The following ZNF407 variants were observed in gnomAD, a reference collection of about 807,000 sequenced individuals.
ZNF407 encodes zinc finger protein 407.
A neutral mutation model predicts 131.2 loss-of-function variants in ZNF407; 17 were observed. That is an observed-to-expected ratio of 0.13 (90% CI 0.09 to 0.19). The LOEUF (loss-of-function observed/expected upper bound fraction) is 0.19. Among genes scored for constraint, ZNF407 ranks in the 10% least tolerant of loss-of-function variants. ZNF407 has a pLI of 1.00. For missense variants in ZNF407, 2,681 were observed against 2,830.6 expected (o/e 0.95, Z 1.20); for synonymous variants, 1,156 against 1,062.0 (o/e 1.09, Z -1.72).
At chr18:74,736,052 G>A (rs1968404419) in intron 3 of ZNF407, among the ~76,000 whole-genome samples, 3 of 152,172 alleles carry the variant, frequency 2.0e-5, no homozygotes, top group South Asian at 4.1e-4. Context: ...TTGCATGATA[G>A]GCTTCATTAG....
chr18:74,627,855 C>CGCCCT (rs1568318987), intron 1 of ZNF407, among the ~76,000 whole-genome samples: 2 of 140,146 alleles, frequency 1.4e-5, no homozygotes, highest in Non-Finnish European at 3.1e-5. Flanking sequence ...CGCCCCGCCC[C>CGCCCT]GCCCCGCCCC....
intron 8 of ZNF407, among the ~76,000 whole-genome samples, chr18:75,021,018 A>C (rs1368399989): frequency 6.6e-6 from 1 of 152,050 alleles, no homozygotes; most frequent in African/African-American, 2.4e-5. Flanking sequence ...ACCTCATTTC[A>C]TTTTCACACC....
intron 8 of ZNF407, among the ~76,000 whole-genome samples, chr18:74,935,419 C>T (rs1449202802): frequency 6.6e-6 from 1 of 152,094 alleles, no homozygotes. Context: ...AATAAACCAC[C>T]GACAGGATTA....
chr18:74,863,899 T>C (rs1158313022), intron 4 of ZNF407, among the ~76,000 whole-genome samples: 1 of 152,234 alleles, frequency 6.6e-6, no homozygotes, highest in Non-Finnish European at 1.5e-5. Flanking sequence ...TATAAAGTTA[T>C]GCCTGGCAGT....
At chr18:74,657,394 C>T (rs752685589) in intron 3 of ZNF407, among the ~76,000 whole-genome samples, 11 of 152,152 alleles carry the variant, frequency 7.2e-5, no homozygotes, top group Admixed American at 2.0e-4. Context: ...GCATAATACA[C>T]ATATTTGTGT....
chr18:75,027,526 G>C (rs1973185629), intron 8 of ZNF407, among the ~76,000 whole-genome samples: 1 of 152,132 alleles, frequency 6.6e-6, no homozygotes, highest in African/African-American at 2.4e-5. Flanking sequence ...AGACAGAGGT[G>C]GTGGAACTTG....
At chr18:74,770,445 A>AAGCTACAGAACAAC (rs1969336887) in intron 3 of ZNF407, among the ~76,000 whole-genome samples, 1 of 152,122 alleles carries the variant, frequency 6.6e-6, no homozygotes, top group Non-Finnish European at 1.5e-5. Context: ...AAACAAACAA[A>AAGCTACAGAACAAC]AGCTACAGAA....
At chr18:74,841,260 C>T (rs751826553) in intron 4 of ZNF407, among the ~76,000 whole-genome samples, 7 of 152,296 alleles carry the variant, frequency 4.6e-5, no homozygotes, top group Non-Finnish European at 7.3e-5. Flanking sequence ...AAATGGGCCA[C>T]GGTGGAGGCT....
intron 1 of ZNF407, among the ~76,000 whole-genome samples, chr18:74,608,467 C>T (rs1363478092): frequency 1.3e-5 from 2 of 152,002 alleles, no homozygotes; most frequent in Non-Finnish European, 2.9e-5. Flanking sequence ...CTGCCTCGGC[C>T]TCCTGAGTTG....
At chr18:74,649,816 G>A (rs1985144022) in intron 3 of ZNF407, among the ~76,000 whole-genome samples, 1 of 152,252 alleles carries the variant, frequency 6.6e-6, no homozygotes, top group South Asian at 2.1e-4. Flanking sequence ...GGGAAATAAT[G>A]GACACAGGTT....
At chr18:74,657,099 T>C (rs1348250475) in intron 3 of ZNF407, among the ~76,000 whole-genome samples, 4 of 141,920 alleles carry the variant, frequency 2.8e-5, no homozygotes, top group African/African-American at 1.1e-4. Flanking sequence ...TTTTTTTTTT[T>C]AATTTAAGTG....
chr18:74,900,758 G>T (rs894761141), intron 7 of ZNF407, among the ~76,000 whole-genome samples: 1 of 152,062 alleles, frequency 6.6e-6, no homozygotes, highest in Non-Finnish European at 1.5e-5. Context: ...ATTTACAGCC[G>T]TTCAATTTGT....
chr18:74,898,814 G>C (rs1380518463), intron 7 of ZNF407, among the ~76,000 whole-genome samples: 2 of 152,112 alleles, frequency 1.3e-5, no homozygotes, highest in African/African-American at 4.8e-5. Context: ...TTTCCATTGA[G>C]AGAAAACATA....
chr18:74,728,720 G>T (rs561670176), intron 3 of ZNF407, among the ~76,000 whole-genome samples: 1 of 152,304 alleles, frequency 6.6e-6, no homozygotes, highest in African/African-American at 2.4e-5. Flanking sequence ...GATGGTGGCG[G>T]AAGGCTTGGC....
intron 5 of ZNF407, among the ~76,000 whole-genome samples, chr18:74,880,529 A>T (rs1316323708): frequency 6.6e-6 from 1 of 152,190 alleles, no homozygotes; most frequent in Non-Finnish European, 1.5e-5. Flanking sequence ...GAAACCATTT[A>T]ATTCATATTA....
intron 3 of ZNF407, among the ~76,000 whole-genome samples, chr18:74,664,191 A>C (rs1985834934): frequency 6.6e-6 from 1 of 152,168 alleles, no homozygotes. Context: ...AGCTATCACC[A>C]CAGTCTCTTA....
intron 3 of ZNF407, among the ~76,000 whole-genome samples, chr18:74,723,511 C>T (rs1357488774): frequency 6.6e-6 from 1 of 152,210 alleles, no homozygotes. Context: ...CTGCTTGTAT[C>T]TCATTTCTGA....
chr18:74,846,229 A>G (rs78400135), intron 4 of ZNF407, among the ~76,000 whole-genome samples: 1,744 of 152,332 alleles, frequency 0.011, 19 homozygotes, highest in South Asian at 0.027. Context: ...CAATCATTTT[A>G]TATAAAATAC....
chr18:74,860,484 A>ATATTATTATTAT lies in ZNF407; in HGVS notation c.4878-16694_4878-16683dup, dbSNP rs1167796493. Among the ~76,000 whole-genome samples the ATATTATTATTAT allele has an allele frequency of 4.2e-3, 617 of 145,524 alleles. 2 individuals are homozygous for ATATTATTATTAT. The highest frequency in any genetic ancestry group is 8.2e-3 in the East Asian group (41 of 5,018). ...TTAGATACTAAATTGCAGAACCTCT[A>ATATTATTATTAT]TATTATTATTATTATTATTATTATT... On this transcript the variant is annotated intron_variant, in intron 4 of 8. Coordinates refer to ENST00000299687, the MANE Select transcript of ZNF407 (RefSeq NM_017757.3).
Sources: gnomAD v4.1 joint callset for allele counts (sites outside exome capture counted in the v4.1 genomes callset) on GRCh38, gnomAD v4.1.1 for gene constraint, MANE v1.5 for transcripts, NCBI Gene and HGNC (gene_info 2026-07-23, HGNC 2026-07-21) for gene names.